CNTN4: variants seen among roughly 807,000 people sequenced by gnomAD.
CNTN4 encodes contactin 4.
A neutral mutation model predicts 122.5 loss-of-function variants in CNTN4; 77 were observed. That is an observed-to-expected ratio of 0.63 (90% CI 0.52 to 0.76). CNTN4 has a LOEUF of 0.76. Among genes scored for constraint, CNTN4 ranks in the 30% least tolerant of loss-of-function variants. CNTN4 has a pLI of 0.00. For missense variants in CNTN4, 1,256 were observed against 1,259.1 expected (o/e 1.00, Z 0.04); for synonymous variants, 512 against 447.0 (o/e 1.15, Z -1.83).
At chr3:2,669,233 G>A (rs996884071) in intron 4 of CNTN4, among the ~76,000 whole-genome samples, 47 of 152,216 alleles carry the variant, frequency 3.1e-4, no homozygotes, top group Non-Finnish European at 3.8e-4. Flanking sequence ...GACTTTCTTT[G>A]GTTGGTAAGC....
At chr3:2,999,283 C>G (rs1257497600) in intron 14 of CNTN4, 1 of 152,162 alleles carries the variant, frequency 6.6e-6, no homozygotes, top group Non-Finnish European at 1.5e-5. Context: ...CTCAAAATAG[C>G]ATCAGCAAAA....
intron 2 of CNTN4, among the ~76,000 whole-genome samples, chr3:2,271,044 G>C (rs140275085): frequency 1.3e-5 from 2 of 152,068 alleles, no homozygotes; most frequent in African/African-American, 2.4e-5. Flanking sequence ...TCTGCTTTTG[G>C]TGACAGTAGC....
intron 15 of CNTN4, among the ~76,000 whole-genome samples, chr3:3,030,590 T>C (rs902426401): frequency 6.6e-6 from 1 of 152,180 alleles, no homozygotes; most frequent in East Asian, 1.9e-4. Flanking sequence ...GCATGTAACT[T>C]ACGTCCTTCC....
At chr3:2,153,149 C>G (rs1358030380) in intron 2 of CNTN4, among the ~76,000 whole-genome samples, 1 of 152,098 alleles carries the variant, frequency 6.6e-6, no homozygotes, top group Admixed American at 6.5e-5. Context: ...ATATAGGAGT[C>G]TGGAGTTGAG....
chr3:2,218,189 A>G (rs2038924466), intron 2 of CNTN4, among the ~76,000 whole-genome samples: 1 of 152,206 alleles, frequency 6.6e-6, no homozygotes, highest in African/African-American at 2.4e-5. Context: ...GGTGGAGTCA[A>G]AGGGAGCTAA....
At chr3:2,797,791 G>C (rs7648026) in intron 6 of CNTN4, among the ~76,000 whole-genome samples, 49,511 of 151,974 alleles carry the variant, frequency 0.33, 8,601 homozygotes, top group Non-Finnish European at 0.39. Flanking sequence ...AGATTATTCT[G>C]TGGAAGACAA....
At chr3:2,487,001 A>C (rs2076181567) in intron 3 of CNTN4, among the ~76,000 whole-genome samples, 1 of 152,182 alleles carries the variant, frequency 6.6e-6, no homozygotes, top group Non-Finnish European at 1.5e-5. Flanking sequence ...ATCACATAGA[A>C]ATTTATAGCC....
At chr3:2,555,793 A>G (rs1303826765) in intron 3 of CNTN4, among the ~76,000 whole-genome samples, 1 of 152,198 alleles carries the variant, frequency 6.6e-6, no homozygotes, top group Non-Finnish European at 1.5e-5. Flanking sequence ...TATGTAAGGT[A>G]GGTGGAAAGT....
chr3:2,533,597 T>A (rs954557740), intron 3 of CNTN4, among the ~76,000 whole-genome samples: 1 of 152,046 alleles, frequency 6.6e-6, no homozygotes, highest in African/African-American at 2.4e-5. Context: ...AATAAACATA[T>A]GTGTGCATGT....
rs1373232316 is a variant in CNTN4, at chr3:2,797,467, G to A, written c.359-22019G>A. ...ACAAAGATTAGCCAGGTGTGGTGGT[G>A]GGCGCCTGTAATCCCAGCTACTCAG... On this transcript the variant is annotated intron_variant, in intron 6 of 24. Transcript: ENST00000418658. 4.6e-5 allele frequency among the ~76,000 whole-genome samples: 7 copies of A among 152,206 alleles called. No homozygotes were observed. In the East Asian group the frequency reaches 1.4e-3, roughly 30 times the overall value.
chr3:2,751,860 G>T (rs1372645198), intron 6 of CNTN4, among the ~76,000 whole-genome samples: 1 of 151,810 alleles, frequency 6.6e-6, no homozygotes, highest in East Asian at 1.9e-4. Flanking sequence ...TTTAACTTAG[G>T]AATGTGGGCT....
At chr3:2,888,226 G>C (rs529283832) in intron 10 of CNTN4, among the ~76,000 whole-genome samples, 1 of 152,230 alleles carries the variant, frequency 6.6e-6, no homozygotes, top group African/African-American at 2.4e-5. Flanking sequence ...GCTAAGGGGG[G>C]GCCCAGAGTA....
chr3:2,898,015 C>T (rs945694508), intron 10 of CNTN4, among the ~76,000 whole-genome samples: 1 of 151,842 alleles, frequency 6.6e-6, no homozygotes, highest in Non-Finnish European at 1.5e-5. Context: ...ACTAGGTAAC[C>T]CCCCCCAAAT....
intron 2 of CNTN4, among the ~76,000 whole-genome samples, chr3:2,310,041 A>G (rs1171504097): frequency 6.6e-6 from 1 of 152,086 alleles, no homozygotes; most frequent in Non-Finnish European, 1.5e-5. Context: ...TTTAGTTTTC[A>G]GGTGGAATAT....
chr3:2,666,169 A>C (rs1333501684), intron 4 of CNTN4, among the ~76,000 whole-genome samples: 1 of 152,206 alleles, frequency 6.6e-6, no homozygotes, highest in Non-Finnish European at 1.5e-5. Context: ...AGACATAACA[A>C]TGAATCATCT....
rs148329085 is a variant in CNTN4 at position 3,001,293 on chromosome 3, C to T, written c.1486+12821C>T. Reference sequence around the variant, plus strand: ...AGAAAAATAAGGAGTGGAGGATCAACGCAATAGGTGTACATCCTTCACTCT... The same window carrying T: ...AGAAAAATAAGGAGTGGAGGATCAATGCAATAGGTGTACATCCTTCACTCT... On this transcript the variant is annotated intron_variant, in intron 14 of 24. Coordinates refer to ENST00000418658, the MANE Select transcript of CNTN4 (RefSeq NM_175607.3). 9.6e-3 allele frequency among the ~76,000 whole-genome samples: 1,455 copies of T among 152,282 alleles called. 74 individuals are homozygous for T. The highest frequency in any genetic ancestry group is 0.083 in the Admixed American group (1,262 of 15,286).
At chr3:2,690,729 G>A (rs1472007537) in intron 4 of CNTN4, among the ~76,000 whole-genome samples, 3 of 152,136 alleles carry the variant, frequency 2.0e-5, no homozygotes, top group African/African-American at 7.2e-5. Flanking sequence ...AAAGACTTCA[G>A]CTGTAAAAAA....
intron 13 of CNTN4, among the ~76,000 whole-genome samples, chr3:2,977,131 T>C (rs1201171243): frequency 1.3e-5 from 2 of 152,226 alleles, no homozygotes; most frequent in African/African-American, 4.8e-5. Context: ...TGACTATTTC[T>C]TGGGCATTGT....
At chr3:2,510,910 G>A (rs1171820586) in intron 3 of CNTN4, among the ~76,000 whole-genome samples, 1 of 152,058 alleles carries the variant, frequency 6.6e-6, no homozygotes, top group Non-Finnish European at 1.5e-5. Flanking sequence ...GATGTCCCAA[G>A]TGTGCCATGC....
Sources: gnomAD v4.1 joint callset for allele counts (sites outside exome capture counted in the v4.1 genomes callset) on GRCh38, gnomAD v4.1.1 for gene constraint, MANE v1.5 for transcripts, NCBI Gene and HGNC (gene_info 2026-07-23, HGNC 2026-07-21) for gene names.